Variants in ZNF543 observed in about 807,000 individuals in gnomAD.
ZNF543 encodes zinc finger protein 543.
A neutral mutation model predicts 13.4 loss-of-function variants in ZNF543; 10 were observed. That is an observed-to-expected ratio of 0.75 (90% CI 0.46 to 1.26). The LOEUF is 1.26. Ranked by LOEUF, ZNF543 falls within the 50% of genes most tolerant of loss-of-function variation. The probability of loss-of-function intolerance (pLI) is 0.00; values close to 1 mark genes in which losing one functional copy is unlikely to be tolerated. For synonymous variants in ZNF543, 272 were observed against 264.7 expected, an observed-to-expected ratio of 1.03 and a Z score of -0.27; for missense variants, 768 against 741.2, an observed-to-expected ratio of 1.04 and a Z score of -0.42.
chr19:57,320,663 C>T lies in ZNF543; in HGVS notation c.-191C>T. On this transcript the variant is annotated 5_prime_UTR_variant, in exon 1 of 4. Transcript: ENST00000321545. The stretch of plus-strand genomic sequence containing the variant: ...GTGTTCCACCGGCGCCTGCCGAGGC[C>T]TAGGCCTCCGCAGCCGCCCTCCGTC... 1 of 618,382 alleles carries T rather than the reference C, an allele frequency of 1.6e-6. No homozygotes were observed. 38.3% of individuals were successfully genotyped at this position (618,382 alleles called of 1,614,324 possible).
chr19:57,322,402 C>G (rs546723189), intron 1 of ZNF543, among the ~76,000 whole-genome samples: 65 of 150,154 alleles, frequency 4.3e-4, no homozygotes, highest in Non-Finnish European at 8.3e-4. Context: ...TGGCATGTGT[C>G]TGTATATCCA....
At chr19:57,325,705 C>T (rs554158709) in intron 2 of ZNF543, among the ~76,000 whole-genome samples, 8 of 152,298 alleles carry the variant, frequency 5.3e-5, no homozygotes, top group African/African-American at 1.9e-4. Context: ...GTGCATGACA[C>T]CACACCCGGC....
rs1323631540 is a variant in ZNF543 at position 57,320,774 on chromosome 19, C to T, written c.-80C>T. The T allele has an allele frequency of 1.3e-6, 2 of 1,566,614 alleles. No homozygotes were observed. Among genetic ancestry groups the T allele is most frequent in the Non-Finnish European group, 1.7e-6 (2 of 1,153,758 alleles). Reference sequence around the variant, plus strand: ...CGAGTGCGAAAGTCAGCCGAGGTCGCCCCGCCCAGGACAGAGAAGGGCTGG... The same window carrying T: ...CGAGTGCGAAAGTCAGCCGAGGTCGTCCCGCCCAGGACAGAGAAGGGCTGG... On this transcript the variant is annotated 5_prime_UTR_variant, in exon 1 of 4. Transcript: ENST00000321545.
chr19:57,327,058 G>A (rs1000267660), intron 3 of ZNF543, among the ~76,000 whole-genome samples: 1 of 151,956 alleles, frequency 6.6e-6, no homozygotes, highest in South Asian at 2.1e-4. Context: ...TTATAGAGAT[G>A]GTCTTGTTAT....
chr19:57,327,588 G>A (rs753495975), intron 3 of ZNF543, 116 bp from the exon 4 acceptor site: 68 of 1,374,458 alleles, frequency 4.9e-5, no homozygotes, highest in Middle Eastern at 5.4e-4. Flanking sequence ...CAGGTGATCT[G>A]CCTGCCTTGG....
chr19:57,326,577 C>T, intron 2 of ZNF543, 56 bp from the exon 3 acceptor site: 2 of 1,358,652 alleles, frequency 1.5e-6, no homozygotes, highest in Non-Finnish European at 2.1e-6. Flanking sequence ...ATCAGATTGA[C>T]AGGTTTCTTT....
At chr19:57,321,634 G>GT (rs1180176683) in intron 1 of ZNF543, among the ~76,000 whole-genome samples, 15 of 152,146 alleles carry the variant, frequency 9.9e-5, no homozygotes, top group Admixed American at 2.6e-4. Context: ...TGTCCTCACT[G>GT]TTTTACACAA....
At chr19:57,327,645 T>A in intron 3 of ZNF543, 59 bp from the exon 4 acceptor site, 1 of 1,532,922 alleles carries the variant, frequency 6.5e-7, no homozygotes, top group Non-Finnish European at 8.7e-7. Context: ...GTCCCTGGCC[T>A]TTGTTTTTTC....
intron 2 of ZNF543, among the ~76,000 whole-genome samples, chr19:57,324,374 G>A (rs946971685): frequency 1.8e-4 from 26 of 147,950 alleles, no homozygotes; most frequent in Admixed American, 1.7e-3. Context: ...AAAAAAAAAG[G>A]CCAATATAGT....
In ZNF543 at chr19:57,328,124, AC is replaced by A. The variant is rs1470096310; in HGVS notation, c.663del (p.His221GlnfsTer4). On this transcript the variant is annotated frameshift_variant, in exon 4 of 4. Transcript: ENST00000321545. LOFTEE classifies it low-confidence loss of function (END_TRUNC). ...CTCCTTGTTCAGCATGAACGGATTC[AC>A]ACTCAAGTGAAGCCCTATGAATGCA... ...NALLVQHERI[H>X]TQVKPYECTE... 4 of 1,614,276 alleles carry A rather than the reference AC, an allele frequency of 2.5e-6. No individual in the cohort carries two copies. The highest frequency in any genetic ancestry group is 3.4e-6 in the Non-Finnish European group (4 of 1,180,044).
rs1049654145 is a variant in ZNF543, at chr19:57,320,755, C to T, written c.-99C>T. 6.1e-6 allele frequency: 9 copies of T among 1,480,552 alleles called. No homozygotes were observed. In the African/African-American group the frequency reaches 1.1e-4, roughly 19 times the overall value. The allele number at this position is 1,480,552 out of a possible 1,614,324, so 91.7% of individuals were successfully genotyped here. ...TCTGGGGAAACTGAGGCTCCGAGTG[C>T]GAAAGTCAGCCGAGGTCGCCCCGCC... On this transcript the variant is annotated 5_prime_UTR_variant, in exon 1 of 4. Transcript: ENST00000321545.
intron 2 of ZNF543, 75 bp downstream of exon 2, chr19:57,323,883 C>G: frequency 6.4e-7 from 1 of 1,557,364 alleles, no homozygotes; most frequent in South Asian, 1.2e-5. Context: ...CCTCCACAGC[C>G]CACTTGTTCT....
chr19:57,322,235 C>G (rs1426182794), intron 1 of ZNF543, among the ~76,000 whole-genome samples: 1 of 152,144 alleles, frequency 6.6e-6, no homozygotes, highest in Non-Finnish European at 1.5e-5. Context: ...ATCTGTGAGG[C>G]CCAGAAGTGT....
intron 1 of ZNF543, among the ~76,000 whole-genome samples, chr19:57,321,929 C>T (rs915924934): frequency 2.6e-5 from 4 of 152,112 alleles, no homozygotes; most frequent in African/African-American, 4.8e-5. Flanking sequence ...TTAAGGAGTC[C>T]GCAGGGGACC....
At chr19:57,322,198 T>C (rs950126327) in intron 1 of ZNF543, among the ~76,000 whole-genome samples, 1 of 152,146 alleles carries the variant, frequency 6.6e-6, no homozygotes, top group African/African-American at 2.4e-5. Flanking sequence ...TGATAGCTCG[T>C]TGTGGATTCT....
chr19:57,323,197 T>C (rs2122935331), intron 1 of ZNF543, among the ~76,000 whole-genome samples: 1 of 151,370 alleles, frequency 6.6e-6, no homozygotes, highest in Admixed American at 6.6e-5. Context: ...GCTGTAATTT[T>C]TTTTTTTTTT....
chr19:57,328,931 G>A lies in ZNF543; in HGVS notation c.1469G>A (p.Arg490His), dbSNP rs1007275172. The change falls in exon 4 of 4, where the codon CGC becomes CAC. Residue 490 changes from arginine to histidine, a missense_variant. Transcript: ENST00000321545. Reference sequence around the variant, plus strand: ...GTGGAGTGTGGAAAGGCCTTCAACCGCAGCTCACACCTCACGAGGCACCAA... The same window carrying A: ...GTGGAGTGTGGAAAGGCCTTCAACCACAGCTCACACCTCACGAGGCACCAA... The part of the protein sequence containing the change: ...ECVECGKAFN[R>H]SSHLTRHQQI... 6 of 1,613,878 alleles carry A rather than the reference G, an allele frequency of 3.7e-6. No individual in the cohort carries two copies. The highest frequency in any genetic ancestry group is 1.3e-5 in the African/African-American group (1 of 74,850).
chr19:57,326,877 ACC>A (rs1568509721), intron 3 of ZNF543, 149 bp downstream of exon 3: 1 of 208,036 alleles, frequency 4.8e-6, no homozygotes, highest in Admixed American at 1.1e-4. Flanking sequence ...GCCCCCCCCC[ACC>A]CGCCTTCAGA....
intron 2 of ZNF543, among the ~76,000 whole-genome samples, chr19:57,324,859 T>A (rs1398547286): frequency 2.0e-5 from 3 of 152,228 alleles, no homozygotes; most frequent in African/African-American, 4.8e-5. Flanking sequence ...TTCTCCTGAA[T>A]GGAGACTCAG....
Sources: allele counts gnomAD v4.1 joint callset (sites outside exome capture counted in the v4.1 genomes callset), GRCh38; gene constraint gnomAD v4.1.1; transcripts MANE v1.5; gene names NCBI Gene and HGNC (gene_info 2026-07-23, HGNC 2026-07-21).